FSTL5: variants seen among roughly 807,000 people sequenced by gnomAD.
FSTL5 encodes follistatin like 5.
In FSTL5, 62 loss-of-function variants were observed where a neutral mutation model predicts 89.1. That is an observed-to-expected ratio of 0.70 (90% CI 0.57 to 0.86). The LOEUF (loss-of-function observed/expected upper bound fraction) is 0.86. FSTL5 is among the 40% of genes least tolerant of loss of function. The probability of loss-of-function intolerance (pLI) is 0.00; values close to 1 mark genes in which losing one functional copy is unlikely to be tolerated. For missense variants in FSTL5, 1,057 were observed against 1,001.6 expected (o/e 1.06, Z -0.75); for synonymous variants, 383 against 346.2 (o/e 1.11, Z -1.18).
chr4:161,983,445 T>C (rs1434302945), intron 3 of FSTL5, among the ~76,000 whole-genome samples: 1 of 152,158 alleles, frequency 6.6e-6, no homozygotes, highest in Non-Finnish European at 1.5e-5. Flanking sequence ...AAAGCAGAAA[T>C]ACGGACTGCT....
chr4:162,104,791 T>G (rs570511802), intron 2 of FSTL5, among the ~76,000 whole-genome samples: 94 of 152,300 alleles, frequency 6.2e-4, no homozygotes, highest in African/African-American at 2.2e-3. Flanking sequence ...GGATAAAATC[T>G]CAGACCTTTC....
At chr4:161,862,883 A>G (rs962706304) in intron 4 of FSTL5, among the ~76,000 whole-genome samples, 1 of 152,192 alleles carries the variant, frequency 6.6e-6, no homozygotes, top group African/African-American at 2.4e-5. Context: ...CTGTAAATGT[A>G]TGGATGAGTA....
At chr4:162,041,210 A>T (rs1737941191) in intron 2 of FSTL5, among the ~76,000 whole-genome samples, 1 of 151,232 alleles carries the variant, frequency 6.6e-6, no homozygotes. Flanking sequence ...GGTAAAAAAA[A>T]AAAAAAAAAA....
At chr4:162,089,201 C>G (rs536944608) in intron 2 of FSTL5, among the ~76,000 whole-genome samples, 1 of 152,024 alleles carries the variant, frequency 6.6e-6, no homozygotes, top group Admixed American at 6.6e-5. Context: ...GTGTACTTCC[C>G]GTATCTAGAA....
chr4:161,583,103 G>T (rs1733491980), intron 8 of FSTL5, among the ~76,000 whole-genome samples: 1 of 152,316 alleles, frequency 6.6e-6, no homozygotes, highest in Non-Finnish European at 1.5e-5. Flanking sequence ...TGGGGAGGCT[G>T]AGGCAGAGAA....
At chr4:161,731,729 A>T (rs908488489) in intron 6 of FSTL5, among the ~76,000 whole-genome samples, 26 of 151,698 alleles carry the variant, frequency 1.7e-4, no homozygotes, top group African/African-American at 5.6e-4. Flanking sequence ...ATTTTTAAAG[A>T]ATTTTTATGA....
At chr4:161,819,838 T>G (rs1218783853) in intron 4 of FSTL5, among the ~76,000 whole-genome samples, 1 of 152,134 alleles carries the variant, frequency 6.6e-6, no homozygotes, top group Admixed American at 6.5e-5. Context: ...AGGAAAATTT[T>G]GTTCACATCT....
chr4:161,743,585 C>T (rs1054419563), intron 6 of FSTL5, among the ~76,000 whole-genome samples: 1 of 151,696 alleles, frequency 6.6e-6, no homozygotes, highest in Admixed American at 6.6e-5. Flanking sequence ...TCTGAAAAAA[C>T]ACTATTAGGA....
At chr4:161,500,658 T>C (rs1280888203) in intron 11 of FSTL5, among the ~76,000 whole-genome samples, 1 of 152,200 alleles carries the variant, frequency 6.6e-6, no homozygotes, top group Non-Finnish European at 1.5e-5. Flanking sequence ...TAATTCTAAA[T>C]AGAGGTCTTA....
At chr4:161,699,515 G>A (rs546741219) in intron 6 of FSTL5, among the ~76,000 whole-genome samples, 2 of 152,172 alleles carry the variant, frequency 1.3e-5, no homozygotes, top group South Asian at 4.1e-4. Flanking sequence ...CTTGTGTTGT[G>A]ATACCTTGGA....
At chr4:161,586,706 T>C (rs1733629460) in intron 8 of FSTL5, among the ~76,000 whole-genome samples, 1 of 152,186 alleles carries the variant, frequency 6.6e-6, no homozygotes, top group South Asian at 2.1e-4. Flanking sequence ...TCCAAATATT[T>C]ACCTGAGTCT....
intron 11 of FSTL5, among the ~76,000 whole-genome samples, chr4:161,506,753 T>G (rs546148676): frequency 3.9e-5 from 6 of 152,136 alleles, no homozygotes; most frequent in African/African-American, 1.4e-4. Context: ...CTGGATGACA[T>G]TGGAAACCTT....
chr4:161,936,653 A>G (rs1285398079), intron 3 of FSTL5, among the ~76,000 whole-genome samples: 1 of 152,130 alleles, frequency 6.6e-6, no homozygotes, highest in Non-Finnish European at 1.5e-5. Flanking sequence ...GGCCTGTTGA[A>G]AATTATGTGC....
intron 1 of FSTL5, among the ~76,000 whole-genome samples, chr4:162,118,519 C>T (rs1037976625): frequency 7.9e-5 from 12 of 152,134 alleles, no homozygotes; most frequent in African/African-American, 2.7e-4. Context: ...GCTCGGCCTC[C>T]CAAAGTGCTG....
chr4:162,020,305 T>C (rs772669036), intron 3 of FSTL5, among the ~76,000 whole-genome samples: 5 of 151,980 alleles, frequency 3.3e-5, no homozygotes, highest in Non-Finnish European at 7.4e-5. Flanking sequence ...GTAAGTCTGT[T>C]TGGTGAAAGT....
intron 2 of FSTL5, among the ~76,000 whole-genome samples, chr4:162,107,198 C>T (rs1731258072): frequency 6.6e-6 from 1 of 152,210 alleles, no homozygotes; most frequent in Non-Finnish European, 1.5e-5. Flanking sequence ...GTTATTTAGA[C>T]TGCGTATCTC....
chr4:162,068,366 G>T (rs1729440996), intron 2 of FSTL5, among the ~76,000 whole-genome samples: 1 of 152,052 alleles, frequency 6.6e-6, no homozygotes, highest in South Asian at 2.1e-4. Flanking sequence ...TAGACCAATG[G>T]AACAGAATAG....
At chr4:161,659,981 A>G (rs1305831987) in intron 6 of FSTL5, among the ~76,000 whole-genome samples, 1 of 152,154 alleles carries the variant, frequency 6.6e-6, no homozygotes, top group Admixed American at 6.5e-5. Context: ...ATGTGTCCAG[A>G]GTCACCTGGT....
chr4:161,849,049 G>T (rs1731468476), intron 4 of FSTL5, among the ~76,000 whole-genome samples: 1 of 152,068 alleles, frequency 6.6e-6, no homozygotes. Flanking sequence ...TCTCTATAAA[G>T]GGATCAGTGC....
Sources: allele counts gnomAD v4.1 joint callset (sites outside exome capture counted in the v4.1 genomes callset), GRCh38; gene constraint gnomAD v4.1.1; transcripts MANE v1.5; gene names NCBI Gene and HGNC (gene_info 2026-07-23, HGNC 2026-07-21).